MKRN2: variants seen among roughly 807,000 people sequenced by gnomAD.
MKRN2 encodes makorin ring finger protein 2.
Under a neutral mutation model 45.4 loss-of-function variants are expected in MKRN2, and 32 were observed. The ratio of observed to expected loss-of-function variants is 0.70; its 90% confidence interval spans 0.53 to 0.95. The LOEUF is 0.95. Ranked by LOEUF, MKRN2 falls within the 40% of genes least tolerant of loss-of-function variation. The probability of loss-of-function intolerance (pLI) is 0.00; values close to 1 mark genes in which losing one functional copy is unlikely to be tolerated. For synonymous variants in MKRN2, 206 were observed against 192.4 expected, an observed-to-expected ratio of 1.07 and a Z score of -0.59; for missense variants, 526 against 536.7, an observed-to-expected ratio of 0.98 and a Z score of 0.20.
intron 6 of MKRN2, among the ~76,000 whole-genome samples, chr3:12,577,893 T>TGATCCTGAC (rs2058152649): frequency 6.6e-6 from 1 of 152,062 alleles, no homozygotes; most frequent in Admixed American, 6.5e-5. Context: ...GCCTGGCTGG[T>TGATCCTGAC]CTCAAACTCC....
At position 12,572,300 on chromosome 3, in the gene MKRN2, G is replaced by A. The variant is rs1338599197; in HGVS notation, c.569G>A (p.Gly190Glu). The A allele has an allele frequency of 6.2e-7, 1 of 1,612,848 alleles. No homozygotes were observed. The highest frequency in any genetic ancestry group is 1.3e-5 in the African/African-American group (1 of 74,884). Residue 190 changes from glycine (G) to glutamate (E), a missense_variant, in exon 4 of 8, where the codon GGG becomes GAG. By Grantham distance (98) the Gly-to-Glu change is moderately conservative. Transcript: ENST00000170447. The stretch of plus-strand genomic sequence containing the variant: ...GGGGATGCCTGTGTCTACCTGCACG[G>A]GGAGGTGTGTGAAATCTGTAGGCTG... ...RFGDACVYLHGEVCEICRLQV... is the reference protein window; with the variant it reads ...RFGDACVYLHEEVCEICRLQV...
At chr3:12,572,504 C>T in intron 4 of MKRN2, 131 bp downstream of exon 4, 1 of 786,992 alleles carries the variant, frequency 1.3e-6, no homozygotes, top group Non-Finnish European at 1.8e-6. Context: ...GGTATTTCCA[C>T]AGGCATCCCC....
chr3:12,582,118 C>A lies in MKRN2; in HGVS notation c.1116C>A (p.Phe372Leu), dbSNP rs757324461. Residue 372 changes from phenylalanine to leucine, a missense_variant and splice_region_variant, in exon 8 of 8, where the codon TTC becomes TTA. Coordinates refer to ENST00000170447, the MANE Select transcript of MKRN2 (RefSeq NM_014160.5). ...KQLSSQGTVR[F>L]FNSVRLWDFI... ...ATGTCCACTGGCTGTTTTTGCAGTTCTTTAATTCAGTGCGGCTCTGGGATT... is the reference window on the plus strand; with the variant it reads ...ATGTCCACTGGCTGTTTTTGCAGTTATTTAATTCAGTGCGGCTCTGGGATT... The A allele has an allele frequency of 1.2e-6, 2 of 1,614,140 alleles. No individual in the cohort carries two copies. The highest frequency in any genetic ancestry group is 4.5e-5 in the East Asian group (2 of 44,880).
intron 1 of MKRN2, among the ~76,000 whole-genome samples, chr3:12,568,627 A>G (rs1469079666): frequency 5.3e-5 from 8 of 152,242 alleles, no homozygotes; most frequent in South Asian, 2.1e-4. Flanking sequence ...AGGAAGATAT[A>G]TCTTCACATA....
At chr3:12,569,889 A>G (rs1264484192) in intron 2 of MKRN2, among the ~76,000 whole-genome samples, 182 bp from the exon 3 acceptor site, 1 of 152,170 alleles carries the variant, frequency 6.6e-6, no homozygotes, top group East Asian at 1.9e-4. Context: ...TGTCCCCCTC[A>G]CAATGAATTG....
rs144401204 is a variant in MKRN2 at position 12,575,559 on chromosome 3, A to G, written c.857+553A>G. 3.2e-3 allele frequency among the ~76,000 whole-genome samples: 481 copies of G among 152,286 alleles called. 2 individuals carry two copies. Among genetic ancestry groups the G allele is most frequent in the African/African-American group, 0.011 (460 of 41,562 alleles). ...CACGCGTTCTACTGTTCAGAACTCC[A>G]CATCTGTCCGCTCATCTCATTCCCT... On this transcript the variant is annotated intron_variant, in intron 5 of 7. Transcript: ENST00000170447.
chr3:12,569,028 G>C (rs370738778), intron 2 of MKRN2, 25 bp downstream of exon 2: 46 of 1,597,688 alleles, frequency 2.9e-5, no homozygotes, highest in Non-Finnish European at 3.6e-5. Context: ...ACAGATTCCA[G>C]CTGTGACACT....
At chr3:12,562,505 A>T (rs545946876) in intron 1 of MKRN2, among the ~76,000 whole-genome samples, 2 of 151,932 alleles carry the variant, frequency 1.3e-5, no homozygotes, top group South Asian at 4.1e-4. Flanking sequence ...TTTTCTTTTT[A>T]AAAAATAAAA....
chr3:12,582,179 A>G lies in MKRN2; in HGVS notation c.1177A>G (p.Asn393Asp). Reference sequence around the variant, plus strand: ...CCGAGAAAGCCGGCATGTCCCCAACAATGAAGATGTCGACATGACAGAGCT... The same window carrying G: ...CCGAGAAAGCCGGCATGTCCCCAACGATGAAGATGTCGACATGACAGAGCT... ...ENRESRHVPN[N>D]EDVDMTELGD... Residue 393 changes from asparagine (N) to aspartate (D), a missense_variant, in exon 8 of 8, where the codon AAT (asparagine) becomes GAT (aspartate). Physicochemically the swap from Asn to Asp is conservative, Grantham distance 23 (BLOSUM62 1). Coordinates refer to ENST00000170447, the MANE Select transcript of MKRN2 (RefSeq NM_014160.5). 6.2e-7 allele frequency: 1 copy of G among 1,614,108 alleles called. No homozygotes were observed. Among genetic ancestry groups the G allele is most frequent in the Non-Finnish European group, 8.5e-7 (1 of 1,180,010 alleles).
At chr3:12,571,000 G>C (rs1200133962) in intron 3 of MKRN2, among the ~76,000 whole-genome samples, 1 of 152,076 alleles carries the variant, frequency 6.6e-6, no homozygotes, top group East Asian at 1.9e-4. Context: ...TGACAGTTTA[G>C]ATTGCACCTT....
chr3:12,562,989 C>T (rs971012708), intron 1 of MKRN2, among the ~76,000 whole-genome samples: 1 of 152,140 alleles, frequency 6.6e-6, no homozygotes, highest in Non-Finnish European at 1.5e-5. Flanking sequence ...CCCCATCCCC[C>T]CATTCCGTGG....
intron 6 of MKRN2, 186 bp downstream of exon 6, chr3:12,576,927 T>G (rs2058141533): frequency 3.6e-6 from 1 of 278,548 alleles, no homozygotes. Context: ...CCTGTTTAGT[T>G]TTGGTGTTTT....
At chr3:12,570,282 T>A in intron 3 of MKRN2, 30 bp downstream of exon 3, 1 of 1,597,258 alleles carries the variant, frequency 6.3e-7, no homozygotes, top group Non-Finnish European at 8.6e-7. Context: ...TTGTTGCGTC[T>A]TTTTGCATAG....
intron 1 of MKRN2, among the ~76,000 whole-genome samples, chr3:12,559,488 G>C (rs183669716): frequency 1.3e-4 from 20 of 151,972 alleles, no homozygotes; most frequent in Non-Finnish European, 2.6e-4. Context: ...TTGTTTTCCT[G>C]ACTGTGGGAT....
chr3:12,570,330 T>A, intron 3 of MKRN2, 78 bp downstream of exon 3: 1 of 1,445,806 alleles, frequency 6.9e-7, no homozygotes, highest in Non-Finnish European at 9.4e-7. Flanking sequence ...TCTAGCCTCC[T>A]CTTGTCAAGA....
At chr3:12,572,592 C>CTT (rs569686975) in intron 4 of MKRN2, among the ~76,000 whole-genome samples, 1 of 144,948 alleles carries the variant, frequency 6.9e-6, no homozygotes. Context: ...GTCATTTTGC[C>CTT]ATTTTTTTTT....
At chr3:12,576,940 T>TTTTTTTTTTTTTTG (rs1559391615) in intron 6 of MKRN2, 199 bp downstream of exon 6, 1 of 251,534 alleles carries the variant, frequency 4.0e-6, no homozygotes, top group African/African-American at 3.1e-5. Flanking sequence ...GGTGTTTTTT[T>TTTTTTTTTTTTTTG]TTTTTTTTTT....
intron 1 of MKRN2, chr3:12,560,717 G>A (rs570788899): frequency 2.6e-5 from 4 of 152,204 alleles, no homozygotes; most frequent in Non-Finnish European, 4.4e-5. Context: ...GGTTTACCCA[G>A]GGTAACACCC....
intron 1 of MKRN2, among the ~76,000 whole-genome samples, chr3:12,557,756 C>T (rs765706568): frequency 6.6e-6 from 1 of 152,222 alleles, no homozygotes; most frequent in Non-Finnish European, 1.5e-5. Flanking sequence ...TATCATCAGA[C>T]TTCACAGTAA....
Sources: gnomAD v4.1 joint callset for allele counts (sites outside exome capture counted in the v4.1 genomes callset) on GRCh38, gnomAD v4.1.1 for gene constraint, MANE v1.5 for transcripts, NCBI Gene and HGNC (gene_info 2026-07-23, HGNC 2026-07-21) for gene names.